The following QRICH1 variants were observed in gnomAD, a reference collection of about 807,000 sequenced individuals.
QRICH1 encodes transcriptional regulator QRICH1.
A neutral mutation model predicts 87.1 loss-of-function variants in QRICH1; 16 were observed. The observed-to-expected ratio is 0.18, with a 90% CI of 0.12 to 0.28. The LOEUF (loss-of-function observed/expected upper bound fraction) is 0.28, where lower values mean the gene tolerates loss of function less well. Among genes scored for constraint, QRICH1 ranks in the 10% least tolerant of loss-of-function variants. The pLI is 1.00. For synonymous variants in QRICH1, 367 were observed against 368.4 expected (o/e 1.00, Z 0.05); for missense variants, 647 against 951.7 (o/e 0.68, Z 4.21).
chr3:49,062,626 G>T (rs1320077219), intron 2 of QRICH1, among the ~76,000 whole-genome samples: 9 of 151,172 alleles, frequency 6.0e-5, no homozygotes, highest in Non-Finnish European at 7.4e-5. Flanking sequence ...CTCCCAAAGT[G>T]CTGGGATTAC....
intron 3 of QRICH1, among the ~76,000 whole-genome samples, chr3:49,054,998 A>G (rs915929279): frequency 3.3e-5 from 5 of 152,194 alleles, no homozygotes; most frequent in Non-Finnish European, 4.4e-5. Context: ...GTCTTTGTGT[A>G]TATGTCATAA....
In QRICH1 at chr3:49,029,840, T is replaced by G. The variant is rs185821826; in HGVS notation, c.*612A>C. The G allele has an allele frequency of 2.9e-5, 5 of 172,832 alleles. No homozygotes were observed. The highest frequency in any genetic ancestry group is 9.5e-5 in the African/African-American group (4 of 41,892). The allele number at this position is 172,832 out of a possible 1,614,324, so 10.7% of individuals were successfully genotyped here. ...CATCAGGCACAGGAGCCTCAGGTTT[T>G]AAGGCCTCAATGTTAGGCCAACAAA... On this transcript the variant is annotated 3_prime_UTR_variant, in exon 10 of 10. Transcript: ENST00000395443.
chr3:49,046,213 C>T (rs1409708756), intron 5 of QRICH1, among the ~76,000 whole-genome samples: 1 of 151,672 alleles, frequency 6.6e-6, no homozygotes, highest in Non-Finnish European at 1.5e-5. Context: ...CCACCAGCGC[C>T]CGGCCCCGGC....
chr3:49,054,954 ACTT>A lies in QRICH1; in HGVS notation c.1338+1905_1338+1907del, dbSNP rs1307615540. Among the ~76,000 whole-genome samples, 8 of 152,278 alleles carry A rather than the reference ACTT, an allele frequency of 5.3e-5. No individual in the cohort carries two copies. In the East Asian group the frequency reaches 9.6e-4, roughly 18 times the overall value. ...ATTTTGTCCACAAAGACCTCTGTTG[ACTT>A]CTTAACCTAGAATTTCTAAATTCCC... On this transcript the variant is annotated intron_variant, in intron 3 of 9. Coordinates refer to ENST00000395443, the MANE Select transcript of QRICH1 (RefSeq NM_198880.3).
intron 3 of QRICH1, among the ~76,000 whole-genome samples, chr3:49,054,204 A>G (rs1373684727): frequency 6.6e-6 from 1 of 152,210 alleles, no homozygotes; most frequent in Non-Finnish European, 1.5e-5. Context: ...TGGAAATTAT[A>G]AACAGAGACC....
intron 2 of QRICH1, among the ~76,000 whole-genome samples, chr3:49,062,472 TGCCTCA>T (rs2093441107): frequency 6.9e-6 from 1 of 145,804 alleles, no homozygotes. Context: ...ACAATTCTCC[TGCCTCA>T]GCCTCCTGAG....
At chr3:49,093,657 T>G in intron 1 of QRICH1, 2 of 171,418 alleles carry the variant, frequency 1.2e-5, no homozygotes, top group Non-Finnish European at 2.5e-5. Context: ...CGCGCGCGCG[T>G]AAAAACAGGC....
intron 2 of QRICH1, among the ~76,000 whole-genome samples, chr3:49,068,256 C>T (rs2093479365): frequency 6.6e-6 from 1 of 151,926 alleles, no homozygotes; most frequent in South Asian, 2.1e-4. Flanking sequence ...ACTCCAGAGG[C>T]TGAAATGGCA....
Position 49,047,019 on chromosome 3 carries a change from T to C in QRICH1, c.1516+50A>G, listed in dbSNP as rs753018781. The C allele has an allele frequency of 9.5e-6, 15 of 1,574,510 alleles. 1 individual carries two copies. In the South Asian group the frequency reaches 1.2e-4, roughly 12 times the overall value. The stretch of plus-strand genomic sequence containing the variant: ...CTGGCATTTTGTCCTCCTGTTACTT[T>C]AGTACCATTGCATTTTAGACACAGC... On this transcript the variant is annotated intron_variant, in intron 4 of 9. Coordinates refer to ENST00000395443, the MANE Select transcript of QRICH1 (RefSeq NM_198880.3).
chr3:49,041,161 G>A (rs1473956132), intron 6 of QRICH1, among the ~76,000 whole-genome samples: 1 of 151,922 alleles, frequency 6.6e-6, no homozygotes, highest in Non-Finnish European at 1.5e-5. Flanking sequence ...AGTAGATATG[G>A]GTTTCCCCAT....
chr3:49,050,248 CAAAA>C (rs527597101), intron 3 of QRICH1, among the ~76,000 whole-genome samples: 27,880 of 51,862 alleles, frequency 0.54, 6,618 homozygotes, highest in East Asian at 0.9. Context: ...GACTCCGTCT[CAAAA>C]AAAAAAAAAA....
chr3:49,031,887 G>C (rs1026639524), intron 9 of QRICH1, among the ~76,000 whole-genome samples: 3 of 152,216 alleles, frequency 2.0e-5, no homozygotes, highest in African/African-American at 7.2e-5. Flanking sequence ...GTCAAGGTCA[G>C]GAAGCAGGGC....
chr3:49,034,145 T>C (rs1046879435), intron 6 of QRICH1, among the ~76,000 whole-genome samples: 11 of 151,492 alleles, frequency 7.3e-5, no homozygotes, highest in Non-Finnish European at 1.5e-4. Context: ...ATATTTATCT[T>C]TTTTTAAAAA....
rs2093223886 is a variant in QRICH1, at chr3:49,029,941, TTG to T, written c.*509_*510del. On this transcript the variant is annotated 3_prime_UTR_variant, in exon 10 of 10. Coordinates refer to ENST00000395443, the MANE Select transcript of QRICH1 (RefSeq NM_198880.3). ...GTCATAAAGGAGGGTGTAATAGAAA[TTG>T]TCTTTAATAAATCATAATTGAAGTT... is the stretch of plus-strand genomic sequence containing the variant. 5.8e-6 allele frequency: 1 copy of T among 173,854 alleles called. No homozygotes were observed. The highest frequency in any genetic ancestry group is 2.4e-5 in the African/African-American group (1 of 42,058). The allele number at this position is 173,854 out of a possible 1,614,324, so 10.8% of individuals were successfully genotyped here. A position where few individuals can be genotyped will look rare whatever the true frequency, so the allele number is the denominator to read the frequency against.
intron 9 of QRICH1, among the ~76,000 whole-genome samples, chr3:49,031,327 G>A (rs2093237591): frequency 6.6e-6 from 1 of 152,144 alleles, no homozygotes; most frequent in Non-Finnish European, 1.5e-5. Context: ...GGCCATTACA[G>A]TGGGGCCCTA....
intron 1 of QRICH1, among the ~76,000 whole-genome samples, chr3:49,084,296 C>A (rs983206300): frequency 1.3e-5 from 2 of 151,506 alleles, no homozygotes; most frequent in African/African-American, 4.8e-5. Context: ...TGCTCTGTCG[C>A]CCAGGCTGGA....
At chr3:49,039,618 C>CAAAAA (rs899570014) in intron 6 of QRICH1, among the ~76,000 whole-genome samples, 63 of 16,170 alleles carry the variant, frequency 3.9e-3, no homozygotes, top group African/African-American at 6.5e-3. Flanking sequence ...GACTCCATCT[C>CAAAAA]AAAAAAAAAA....
At position 49,032,709 on chromosome 3, in the gene QRICH1, T is replaced by C. The variant is rs1360403561; in HGVS notation, c.1960A>G (p.Thr654Ala). 2.5e-6 allele frequency: 4 copies of C among 1,612,598 alleles called. No individual in the cohort carries two copies. The highest frequency in any genetic ancestry group is 3.4e-6 in the Non-Finnish European group (4 of 1,179,516). ...KLAFSKVLRQ[T>A]KKNPSNPKDK... is the part of the protein sequence containing the mutation. ...TTGGGATTAGAGGGGTTCTTCTTTGTCTGTCGCAAGACCTTGGAGAAGGCC... is the reference window on the plus strand; with the variant it reads ...TTGGGATTAGAGGGGTTCTTCTTTGCCTGTCGCAAGACCTTGGAGAAGGCC... Residue 654 changes from threonine to alanine, a missense_variant, in exon 8 of 10, where the codon ACA becomes GCA. By Grantham distance (58) the Thr-to-Ala change is moderately conservative. Transcript: ENST00000395443.
intron 8 of QRICH1, 156 bp downstream of exon 8, chr3:49,032,466 A>T (rs988931876): frequency 3.4e-5 from 35 of 1,037,520 alleles, no homozygotes; most frequent in Non-Finnish European, 4.5e-5. Context: ...TGCTTCTAGG[A>T]GGAAAGTTTG....
Sources: allele counts gnomAD v4.1 joint callset (sites outside exome capture counted in the v4.1 genomes callset), GRCh38; gene constraint gnomAD v4.1.1; transcripts MANE v1.5; gene names NCBI Gene and HGNC (gene_info 2026-07-23, HGNC 2026-07-21).